Variants in SLC24A2 observed in about 807,000 individuals in gnomAD.
SLC24A2 encodes solute carrier family 24 member 2.
A neutral mutation model predicts 62.0 loss-of-function variants in SLC24A2; 36 were observed. That is an observed-to-expected ratio of 0.58 (90% CI 0.44 to 0.77). The LOEUF (loss-of-function observed/expected upper bound fraction) is 0.77, where lower values mean the gene tolerates loss of function less well. SLC24A2 is among the 30% of genes least tolerant of loss of function. SLC24A2 has a pLI of 0.00. For synonymous variants in SLC24A2, 358 were observed against 294.0 expected, an observed-to-expected ratio of 1.22 and a Z score of -2.23; for missense variants, 846 against 817.9, an observed-to-expected ratio of 1.03 and a Z score of -0.42.
At chr9:20,038,535 C>T in the SLC24A2 span, among the ~76,000 whole-genome samples, 1 of 150,656 alleles carries the variant, frequency 6.6e-6, no homozygotes, top group African/African-American at 2.4e-5. Flanking sequence ...TGCAGAAATG[C>T]TGAGTGTGAG....
chr9:20,298,051 G>C, the SLC24A2 span, among the ~76,000 whole-genome samples: 3 of 152,172 alleles, frequency 2.0e-5, no homozygotes, highest in African/African-American at 7.2e-5. Flanking sequence ...GGGCTGTATG[G>C]AGCAGGCAGC....
intron 2 of SLC24A2, among the ~76,000 whole-genome samples, chr9:19,719,767 G>GT (rs1486592610): frequency 7.2e-5 from 11 of 152,120 alleles, no homozygotes; most frequent in Non-Finnish European, 1.5e-4. Context: ...GTCTGAGAAG[G>GT]TTTTTATCTC....
At chr9:20,230,589 T>C in the SLC24A2 span, among the ~76,000 whole-genome samples, 3 of 149,802 alleles carry the variant, frequency 2.0e-5, no homozygotes, top group Non-Finnish European at 4.5e-5. Context: ...TGTTTGTTTT[T>C]TTCTTGTAAA....
the SLC24A2 span, among the ~76,000 whole-genome samples, chr9:19,798,775 C>T: frequency 6.6e-6 from 1 of 152,202 alleles, no homozygotes; most frequent in Non-Finnish European, 1.5e-5. Flanking sequence ...ACACAAATGG[C>T]AAGTCTCAGT....
intron 2 of SLC24A2, among the ~76,000 whole-genome samples, chr9:19,694,110 C>T (rs1175711275): frequency 6.6e-6 from 1 of 151,638 alleles, no homozygotes; most frequent in Non-Finnish European, 1.5e-5. Flanking sequence ...AAAAAAAATC[C>T]CAAATCTTAC....
At chr9:20,113,616 C>T in the SLC24A2 span, among the ~76,000 whole-genome samples, 3 of 151,968 alleles carry the variant, frequency 2.0e-5, no homozygotes, top group African/African-American at 7.3e-5. Flanking sequence ...TAAAATATGG[C>T]ATTATTAACA....
the SLC24A2 span, among the ~76,000 whole-genome samples, chr9:20,174,005 T>A: frequency 6.6e-6 from 1 of 152,028 alleles, no homozygotes; most frequent in African/African-American, 2.4e-5. Context: ...AGTAGGCACA[T>A]AGACCAATGT....
chr9:20,249,345 A>G, the SLC24A2 span, among the ~76,000 whole-genome samples: 39,294 of 151,982 alleles, frequency 0.26, 6,405 homozygotes, highest in East Asian at 0.73. Flanking sequence ...CCTGAGCCTC[A>G]GTTTTCTCAT....
rs964372344 is a variant in SLC24A2, at chr9:19,599,087, A to T, written c.1079-1808T>A. ...TGTAGACGCAAACCTCTGTATGCAC[A>T]CACTTATTTTCACATATCAATCCCA... On this transcript the variant is annotated intron_variant, in intron 4 of 10. Coordinates refer to ENST00000341998, the MANE Select transcript of SLC24A2 (RefSeq NM_020344.4). The surrounding 1 kb of genome is among the most constrained non-coding windows in gnomAD (Gnocchi z 4.5). Among the ~76,000 whole-genome samples, 7 of 152,236 alleles carry T rather than the reference A, an allele frequency of 4.6e-5. No homozygotes were observed. The highest frequency in any genetic ancestry group is 1.3e-4 in the Admixed American group (2 of 15,286).
chr9:19,718,258 A>G (rs1350158469), intron 2 of SLC24A2, among the ~76,000 whole-genome samples: 1 of 144,690 alleles, frequency 6.9e-6, no homozygotes. Flanking sequence ...TACAGGCTTA[A>G]GCTACCATGC....
At chr9:20,123,198 G>C in the SLC24A2 span, among the ~76,000 whole-genome samples, 1 of 152,044 alleles carries the variant, frequency 6.6e-6, no homozygotes, top group South Asian at 2.1e-4. Context: ...TCACATAATG[G>C]AAACTATAAG....
chr9:19,616,153 A>AT (rs952578455), intron 4 of SLC24A2, among the ~76,000 whole-genome samples: 2 of 151,796 alleles, frequency 1.3e-5, no homozygotes, highest in Admixed American at 6.6e-5. Flanking sequence ...GGAAGAAGAC[A>AT]TTTTTTTTCA....
chr9:19,609,109 C>G (rs1038325650), intron 4 of SLC24A2, among the ~76,000 whole-genome samples: 2 of 152,260 alleles, frequency 1.3e-5, no homozygotes, highest in Non-Finnish European at 2.9e-5. Context: ...CCTTGCTTGC[C>G]TGCAGCCAGT....
the SLC24A2 span, among the ~76,000 whole-genome samples, chr9:19,915,002 T>C: frequency 2.0e-5 from 3 of 152,136 alleles, no homozygotes; most frequent in African/African-American, 4.8e-5. Flanking sequence ...TGCAATCTAA[T>C]AGTTTTTAGT....
the SLC24A2 span, among the ~76,000 whole-genome samples, chr9:20,151,818 T>C: frequency 1.9e-3 from 294 of 151,890 alleles, 2 homozygotes; most frequent in African/African-American, 6.9e-3. Flanking sequence ...TCAGTTAATC[T>C]TTCCCCTACT....
the SLC24A2 span, among the ~76,000 whole-genome samples, chr9:19,899,608 T>C: frequency 3.9e-3 from 594 of 152,336 alleles, 3 homozygotes; most frequent in African/African-American, 0.014. Flanking sequence ...GAGCCAATGT[T>C]CTACCATGTA....
At chr9:19,700,259 G>C (rs1820316545) in intron 2 of SLC24A2, among the ~76,000 whole-genome samples, 2 of 151,936 alleles carry the variant, frequency 1.3e-5, no homozygotes, top group Non-Finnish European at 2.9e-5. Flanking sequence ...GATATTACTG[G>C]CTTCTTCAGA....
chr9:19,895,149 G>A, the SLC24A2 span, among the ~76,000 whole-genome samples: 2 of 151,982 alleles, frequency 1.3e-5, no homozygotes, highest in Non-Finnish European at 2.9e-5. Flanking sequence ...TAAACAACCA[G>A]CACTAAATGA....
At chr9:20,190,467 G>A in the SLC24A2 span, among the ~76,000 whole-genome samples, 2 of 152,164 alleles carry the variant, frequency 1.3e-5, no homozygotes, top group Non-Finnish European at 2.9e-5. Context: ...GGTAAGAAGC[G>A]ATGTAATAAG....
Sources: gnomAD v4.1 joint callset for allele counts (sites outside exome capture counted in the v4.1 genomes callset) on GRCh38, gnomAD v4.1.1 for gene constraint, Gnocchi (gnomAD v3.1) non-coding constraint, MANE v1.5 for transcripts, NCBI Gene and HGNC (gene_info 2026-07-23, HGNC 2026-07-21) for gene names.